Variants in LAMA1 observed in about 807,000 individuals in gnomAD.
The protein encoded by LAMA1 is laminin subunit alpha-1.
Under a neutral mutation model 348.7 loss-of-function variants are expected in LAMA1, and 219 were observed. That is an observed-to-expected ratio of 0.63 (90% CI 0.56 to 0.70). The LOEUF (loss-of-function observed/expected upper bound fraction) is 0.70, where lower values mean the gene tolerates loss of function less well. Among genes scored for constraint, LAMA1 ranks in the 30% least tolerant of loss-of-function variants. The pLI is 0.00. For synonymous variants in LAMA1, 1,487 were observed against 1,491.0 expected (o/e 1.00, Z 0.06); for missense variants, 3,744 against 3,888.0 (o/e 0.96, Z 0.99).
Position 7,015,732 on chromosome 18 carries a change from A to C in LAMA1, c.3116T>G (p.Val1039Gly). 6.2e-7 allele frequency: 1 copy of C among 1,613,752 alleles called. No homozygotes were observed. Among genetic ancestry groups the C allele is most frequent in the African/African-American group, 1.3e-5 (1 of 74,934 alleles). The stretch of plus-strand genomic sequence containing the variant: ...GATGACAGTGCTCACCTGGCACCCC[A>C]CCTCCGCATCGTAGCCCCAGTGCCC... ...EDGHWGYDAE[V>G]GCQACNCSLV... is the part of the protein sequence containing the mutation. The change falls in exon 22 of 63, where the codon GTG becomes GGG. Residue 1039 changes from valine to glycine, a missense_variant. Coordinates refer to ENST00000389658, the MANE Select transcript of LAMA1 (RefSeq NM_005559.4).
chr18:6,949,284 A>T, intron 58 of LAMA1, 25 bp from the exon 59 acceptor site: 1 of 1,613,438 alleles, frequency 6.2e-7, no homozygotes, highest in Non-Finnish European at 8.5e-7. Flanking sequence ...AAACATGCAT[A>T]ATTTTTGAGG....
At chr18:7,017,628 G>A (rs1021653822) in intron 19 of LAMA1, among the ~76,000 whole-genome samples, 22 of 152,232 alleles carry the variant, frequency 1.4e-4, no homozygotes, top group African/African-American at 4.8e-4. Context: ...AATAATTAGC[G>A]AATTCGCTTC....
intron 1 of LAMA1, among the ~76,000 whole-genome samples, chr18:7,110,756 G>A (rs2058332224): frequency 1.3e-5 from 2 of 152,114 alleles, no homozygotes; most frequent in African/African-American, 2.4e-5. Flanking sequence ...GGGAGGCGGA[G>A]GTTGCAGTCA....
intron 4 of LAMA1, 58 bp from the exon 5 acceptor site, chr18:7,049,315 T>TTTA: frequency 7.6e-7 from 1 of 1,312,914 alleles, no homozygotes; most frequent in Non-Finnish European, 1.1e-6. Context: ...TTATTTATTT[T>TTTA]TTGAGATGGC....
chr18:7,033,883 C>T (rs527518329), intron 14 of LAMA1, among the ~76,000 whole-genome samples: 6 of 152,088 alleles, frequency 3.9e-5, no homozygotes, highest in Admixed American at 2.6e-4. Context: ...TACAGGCATG[C>T]GCCACCATGC....
intron 16 of LAMA1, among the ~76,000 whole-genome samples, chr18:7,028,017 T>C (rs975975936): frequency 2.6e-5 from 4 of 151,900 alleles, no homozygotes; most frequent in Non-Finnish European, 5.9e-5. Flanking sequence ...AAAAGAGAAA[T>C]GCAAGATATA....
chr18:7,068,463 C>G (rs8090011), intron 3 of LAMA1, among the ~76,000 whole-genome samples: 76,592 of 152,126 alleles, frequency 0.5, 21,322 homozygotes, highest in African/African-American at 0.74. Context: ...CAGAGATTCC[C>G]TGATTTCTTA....
intron 17 of LAMA1, 38 bp downstream of exon 17, chr18:7,025,941 C>A: frequency 6.3e-7 from 1 of 1,587,970 alleles, no homozygotes; most frequent in Non-Finnish European, 8.6e-7. Context: ...GAATCCTGGC[C>A]ATGCTGGCAG....
At position 7,007,228 on chromosome 18, in the gene LAMA1, T is replaced by C. The variant is rs768868249; in HGVS notation, c.4171A>G (p.Arg1391Gly). Residue 1391 changes from arginine to glycine, a missense_variant, in exon 29 of 63, where the codon AGG becomes GGG. Coordinates refer to ENST00000389658, the MANE Select transcript of LAMA1 (RefSeq NM_005559.4). Reference sequence around the variant, plus strand: ...GGAGCAACCAGAGGGCGTGGTCCCCTGTCACTCCCTGCTGGGAGCTTCCCT... The same window carrying C: ...GGAGCAACCAGAGGGCGTGGTCCCCCGTCACTCCCTGCTGGGAGCTTCCCT... Reference protein sequence around the residue: ...HRGKLPAGSDRGPRPLVAPCV... With the variant: ...HRGKLPAGSDGGPRPLVAPCV... 1.7e-5 allele frequency: 28 copies of C among 1,613,984 alleles called. No homozygotes were observed. The highest frequency in any genetic ancestry group is 2.1e-5 in the Non-Finnish European group (25 of 1,179,986).
chr18:7,098,953 C>G (rs1352005479), intron 1 of LAMA1, among the ~76,000 whole-genome samples: 23 of 152,116 alleles, frequency 1.5e-4, no homozygotes, highest in Non-Finnish European at 3.1e-4. Flanking sequence ...GGCCACCACC[C>G]CGTCTGGGAG....
At chr18:7,097,031 C>A (rs888825166) in intron 1 of LAMA1, among the ~76,000 whole-genome samples, 1 of 147,430 alleles carries the variant, frequency 6.8e-6, no homozygotes, top group Non-Finnish European at 1.5e-5. Flanking sequence ...CAGAGCAGAG[C>A]AGAAGCACAT....
chr18:6,973,388 G>A (rs900115469), intron 46 of LAMA1, among the ~76,000 whole-genome samples, 181 bp from the exon 47 acceptor site: 2 of 151,982 alleles, frequency 1.3e-5, no homozygotes, highest in Non-Finnish European at 2.9e-5. Context: ...TGTCTCTTCC[G>A]AAACAGAAAT....
intron 1 of LAMA1, among the ~76,000 whole-genome samples, chr18:7,099,490 AC>A (rs1254839829): frequency 8.0e-5 from 11 of 137,622 alleles, no homozygotes; most frequent in Non-Finnish European, 1.5e-4. Flanking sequence ...TTAAAAAAAA[AC>A]AAAAAAAAAA....
intron 58 of LAMA1, among the ~76,000 whole-genome samples, chr18:6,950,399 T>G (rs1191570213): frequency 6.6e-6 from 1 of 152,220 alleles, no homozygotes; most frequent in Non-Finnish European, 1.5e-5. Flanking sequence ...ACAACCCAGC[T>G]GGCCGATTAC....
chr18:6,955,714 A>T (rs976854819), intron 56 of LAMA1: 1 of 590,698 alleles, frequency 1.7e-6, no homozygotes, highest in Admixed American at 2.3e-5. Context: ...GAAATTCATA[A>T]GGACACTGAA....
At chr18:6,953,066 G>T (rs970009057) in intron 57 of LAMA1, among the ~76,000 whole-genome samples, 1 of 146,448 alleles carries the variant, frequency 6.8e-6, no homozygotes. Context: ...GCGGATCCAC[G>T]CCATGGGAGC....
intron 1 of LAMA1, among the ~76,000 whole-genome samples, chr18:7,094,025 C>G (rs945968933): frequency 6.6e-6 from 1 of 152,034 alleles, no homozygotes; most frequent in Non-Finnish European, 1.5e-5. Flanking sequence ...AGTCTGCTCA[C>G]CTCAGTCTCC....
In LAMA1 at chr18:6,948,428, A is replaced by C; in HGVS notation, c.8685T>G (p.Phe2895Leu). 6.2e-7 allele frequency: 1 copy of C among 1,614,220 alleles called. No individual in the cohort carries two copies. Among genetic ancestry groups the C allele is most frequent in the South Asian group, 1.1e-5 (1 of 91,090 alleles). Residue 2895 changes from phenylalanine to leucine, a missense_variant, in exon 60 of 63, where the codon TTT (phenylalanine) becomes TTG (leucine). Physicochemically the swap from Phe to Leu is conservative, Grantham distance 22. Coordinates refer to ENST00000389658, the MANE Select transcript of LAMA1 (RefSeq NM_005559.4). ...CAAGAGCTGCATATCCGCTTCCGTC[A>C]AAGTATGTTCCTTCCTGGGCCACTG... Reference protein sequence around the residue: ...CYAVAQEGTYFDGSGYAALVK... With the variant: ...CYAVAQEGTYLDGSGYAALVK...
chr18:6,949,164 A>G lies in LAMA1; in HGVS notation c.8493T>C (p.Asp2831=). The G allele has an allele frequency of 1.2e-6, 2 of 1,614,160 alleles. No homozygotes were observed. Among genetic ancestry groups the G allele is most frequent in the Non-Finnish European group, 8.5e-7 (1 of 1,180,012 alleles). ...CTCCTAGGTAGAACAAACCCTCCAC[A>G]TCCAGCATGGTTCCATCTCCCACCA... ...VTVVGDGTML[D]VEGLFYLGGL... Residue 2831 remains aspartate, a synonymous_variant, in exon 59 of 63, where the codon GAT becomes GAC. Transcript: ENST00000389658.
Sources: gnomAD v4.1 joint callset for allele counts (sites outside exome capture counted in the v4.1 genomes callset) on GRCh38, gnomAD v4.1.1 for gene constraint, MANE v1.5 for transcripts, NCBI Gene and HGNC (gene_info 2026-07-23, HGNC 2026-07-21) for gene names.